Variants in SLC24A2 observed in about 807,000 individuals in gnomAD.
SLC24A2 encodes the protein sodium/potassium/calcium exchanger 2.
Under a neutral mutation model 62.0 loss-of-function variants are expected in SLC24A2, and 36 were observed. That is an observed-to-expected ratio of 0.58 (90% CI 0.44 to 0.77). The LOEUF (loss-of-function observed/expected upper bound fraction) is 0.77, where lower values mean the gene tolerates loss of function less well. Among genes scored for constraint, SLC24A2 ranks in the 30% least tolerant of loss-of-function variants. The pLI is 0.00. For missense variants in SLC24A2, 846 were observed against 817.9 expected (o/e 1.03, Z -0.42); for synonymous variants, 358 against 294.0 (o/e 1.22, Z -2.23).
At chr9:20,095,114 A>G in the SLC24A2 span, among the ~76,000 whole-genome samples, 1 of 152,166 alleles carries the variant, frequency 6.6e-6, no homozygotes, top group East Asian at 1.9e-4. Context: ...CAATGAAGAG[A>G]TTTGCAAACT....
At chr9:20,299,778 G>C in the SLC24A2 span, among the ~76,000 whole-genome samples, 1 of 152,218 alleles carries the variant, frequency 6.6e-6, no homozygotes, top group African/African-American at 2.4e-5. Flanking sequence ...CGTTCAGGGA[G>C]AAACTTGCTC....
chr9:20,186,034 G>C, the SLC24A2 span, among the ~76,000 whole-genome samples: 3 of 152,086 alleles, frequency 2.0e-5, no homozygotes, highest in Non-Finnish European at 4.4e-5. Context: ...TACATGTATT[G>C]TTTAGGAGCC....
At chr9:19,943,394 C>A in the SLC24A2 span, among the ~76,000 whole-genome samples, 1 of 152,136 alleles carries the variant, frequency 6.6e-6, no homozygotes, top group African/African-American at 2.4e-5. Context: ...TCTTTCATAA[C>A]CTGCTCCCTG....
intron 5 of SLC24A2, among the ~76,000 whole-genome samples, chr9:19,584,981 AATT>A (rs1398662152): frequency 2.0e-5 from 3 of 152,154 alleles, no homozygotes; most frequent in Admixed American, 6.5e-5. Flanking sequence ...AACGACATTT[AATT>A]ATATTAGATT....
intron 4 of SLC24A2, among the ~76,000 whole-genome samples, chr9:19,617,223 G>GT (rs1198933872): frequency 6.6e-6 from 1 of 152,134 alleles, no homozygotes; most frequent in East Asian, 1.9e-4. Flanking sequence ...TCGCAATAGG[G>GT]TTCGGCCCCC....
At chr9:19,860,987 CCCA>C in the SLC24A2 span, among the ~76,000 whole-genome samples, 5 of 152,234 alleles carry the variant, frequency 3.3e-5, no homozygotes, top group African/African-American at 1.2e-4. Context: ...CACCTCTGGA[CCCA>C]CCCAGGGCCT....
chr9:19,798,732 A>G, the SLC24A2 span, among the ~76,000 whole-genome samples: 38 of 152,144 alleles, frequency 2.5e-4, no homozygotes, highest in African/African-American at 7.5e-4. Flanking sequence ...GCTCATATGT[A>G]TGAAGTATTC....
At chr9:19,844,014 A>G in the SLC24A2 span, among the ~76,000 whole-genome samples, 487 of 152,256 alleles carry the variant, frequency 3.2e-3, 1 homozygote, top group African/African-American at 0.011. Context: ...TTGGTAGAAC[A>G]ATTTATTGTC....
At chr9:20,220,976 ATG>A in the SLC24A2 span, among the ~76,000 whole-genome samples, 1 of 152,146 alleles carries the variant, frequency 6.6e-6, no homozygotes, top group South Asian at 2.1e-4. Flanking sequence ...AATTCTTTCT[ATG>A]TGTGACACTG....
At chr9:19,854,672 T>C in the SLC24A2 span, among the ~76,000 whole-genome samples, 5 of 151,564 alleles carry the variant, frequency 3.3e-5, no homozygotes, top group African/African-American at 9.7e-5. Context: ...GTTATGATTT[T>C]AGTTCTTTTG....
At position 19,528,034 on chromosome 9, in the gene SLC24A2, CTA is replaced by C. The variant is rs1728376842; in HGVS notation, c.1569+13_1569+14del. On this transcript the variant is annotated intron_variant, in intron 9 of 10. Coordinates refer to ENST00000341998, the MANE Select transcript of SLC24A2 (RefSeq NM_020344.4). ...AGAAAAACAAGGCAGAGGCATGTCA[CTA>C]TCAAAATCTTACCTGGTGCGCCCAC... The C allele has an allele frequency of 6.7e-7, 1 of 1,486,938 alleles. No homozygotes were observed. The highest frequency in any genetic ancestry group is 1.8e-5 in the Admixed American group (1 of 54,062). 92.1% of individuals were successfully genotyped at this position (1,486,938 alleles called of 1,614,324 possible).
chr9:19,741,109 G>A (rs960385048), intron 2 of SLC24A2, among the ~76,000 whole-genome samples: 8 of 152,116 alleles, frequency 5.3e-5, no homozygotes, highest in Non-Finnish European at 2.9e-5. Context: ...GCACTTAAAG[G>A]TTTGGTTTCT....
intron 3 of SLC24A2, 102 bp downstream of exon 3, chr9:19,622,159 A>C: frequency 1.1e-6 from 1 of 906,678 alleles, no homozygotes; most frequent in Non-Finnish European, 1.8e-6. Flanking sequence ...ATTCCAAGGG[A>C]GAGAGTAATG....
chr9:20,008,784 C>A, the SLC24A2 span, among the ~76,000 whole-genome samples: 7 of 152,144 alleles, frequency 4.6e-5, no homozygotes, highest in Non-Finnish European at 8.8e-5. Context: ...CCACTTCCAT[C>A]CTCTACTCTA....
chr9:19,857,673 A>G, the SLC24A2 span, among the ~76,000 whole-genome samples: 1 of 152,098 alleles, frequency 6.6e-6, no homozygotes, highest in Non-Finnish European at 1.5e-5. Flanking sequence ...TTGCTAGTGT[A>G]TGGAAATGCA....
chr9:20,235,054 C>T, the SLC24A2 span, among the ~76,000 whole-genome samples: 7 of 152,172 alleles, frequency 4.6e-5, no homozygotes, highest in African/African-American at 1.2e-4. Context: ...TTTGGTGAAA[C>T]GCAAATGCTG....
In SLC24A2 at chr9:19,594,171, A is replaced by G. The variant is rs1587007964; in HGVS notation, c.1129+3058T>C. 3.9e-5 allele frequency among the ~76,000 whole-genome samples: 6 copies of G among 151,922 alleles called. No homozygotes were observed. The South Asian group carries it at 1.3e-3, about 32-fold the overall frequency. On this transcript the variant is annotated intron_variant, in intron 5 of 10. Coordinates refer to ENST00000341998, the MANE Select transcript of SLC24A2 (RefSeq NM_020344.4). ...TGGAAAGCAATCTTTCCTCCCCTGT[A>G]GCCTGTCATCTTCTGAACACCTGTG...
At chr9:20,233,463 C>A in the SLC24A2 span, among the ~76,000 whole-genome samples, 1 of 152,072 alleles carries the variant, frequency 6.6e-6, no homozygotes, top group African/African-American at 2.4e-5. Context: ...TTTAATTGAT[C>A]CCTTTACCAT....
At chr9:19,940,276 A>C in the SLC24A2 span, among the ~76,000 whole-genome samples, 1 of 152,214 alleles carries the variant, frequency 6.6e-6, no homozygotes, top group South Asian at 2.1e-4. Flanking sequence ...GGGGAACAGA[A>C]GAGGCTTTTG....
Sources: gnomAD v4.1 joint callset for allele counts (sites outside exome capture counted in the v4.1 genomes callset) on GRCh38, gnomAD v4.1.1 for gene constraint, MANE v1.5 for transcripts, NCBI Gene and HGNC (gene_info 2026-07-23, HGNC 2026-07-21) for gene names.